MDGA2: variants seen among roughly 807,000 people sequenced by gnomAD.
The protein encoded by MDGA2 is MAM domain-containing glycosylphosphatidylinositol anchor protein 2.
In MDGA2, 40 loss-of-function variants were observed where a neutral mutation model predicts 117.8. The observed-to-expected ratio is 0.34, with a 90% CI of 0.26 to 0.44. The LOEUF (loss-of-function observed/expected upper bound fraction) is 0.44. MDGA2 is among the 20% of genes least tolerant of loss of function. The probability of loss-of-function intolerance (pLI) is 1.00; values close to 1 mark genes in which losing one functional copy is unlikely to be tolerated. For synonymous variants in MDGA2, 452 were observed against 439.0 expected, an observed-to-expected ratio of 1.03 and a Z score of -0.37; for missense variants, 1,123 against 1,250.6, an observed-to-expected ratio of 0.90 and a Z score of 1.54.
chr14:47,320,789 TCTC>T (rs1264233810), intron 1 of MDGA2, among the ~76,000 whole-genome samples: 1 of 152,114 alleles, frequency 6.6e-6, no homozygotes, highest in Non-Finnish European at 1.5e-5. Context: ...ATATCAATAA[TCTC>T]CTCTATTTTT....
At chr14:46,968,492 A>G (rs1324270988) in intron 8 of MDGA2, among the ~76,000 whole-genome samples, 2 of 152,158 alleles carry the variant, frequency 1.3e-5, no homozygotes, top group African/African-American at 4.8e-5. Context: ...CTCTTTGCTG[A>G]TGACATGATC....
chr14:47,083,061 T>C (rs1217242492), intron 6 of MDGA2, among the ~76,000 whole-genome samples: 3 of 151,764 alleles, frequency 2.0e-5, no homozygotes, highest in Admixed American at 2.0e-4. Context: ...GAGGAAAAAT[T>C]AGGACAGAGC....
chr14:47,015,156 A>G (rs892389174), intron 8 of MDGA2, among the ~76,000 whole-genome samples: 1 of 152,154 alleles, frequency 6.6e-6, no homozygotes, highest in Non-Finnish European at 1.5e-5. Context: ...TAAGTTTGCT[A>G]TCTTTTATGG....
Position 47,470,721 on chromosome 14 carries a change from C to G in MDGA2, c.281-169171G>C, listed in dbSNP as rs192432547. Among the ~76,000 whole-genome samples the G allele has an allele frequency of 2.1e-3, 325 of 152,190 alleles. 1 individual carries two copies. The highest frequency in any genetic ancestry group is 8.6e-3 in the Admixed American group (131 of 15,272). ...CTTCCACAATGGTTGAACTAATTTA[C>G]AATCCCTGTGGGATAGGTTTAATGG... is the stretch of plus-strand genomic sequence containing the variant. On this transcript the variant is annotated intron_variant, in intron 1 of 16. Coordinates refer to ENST00000399232, the MANE Select transcript of MDGA2 (RefSeq NM_001113498.3).
At chr14:47,606,082 T>C (rs1478512601) in intron 1 of MDGA2, among the ~76,000 whole-genome samples, 2 of 152,226 alleles carry the variant, frequency 1.3e-5, no homozygotes, top group Non-Finnish European at 2.9e-5. Context: ...TATCATTAGC[T>C]GAAATTACCT....
chr14:47,222,558 A>G (rs1886341291), intron 2 of MDGA2, among the ~76,000 whole-genome samples: 3 of 152,268 alleles, frequency 2.0e-5, no homozygotes, highest in Non-Finnish European at 2.9e-5. Context: ...TTTTAAGTTA[A>G]GAGGAAATAC....
intron 2 of MDGA2, among the ~76,000 whole-genome samples, chr14:47,276,704 C>A (rs973849825): frequency 7.2e-5 from 11 of 152,130 alleles, no homozygotes; most frequent in African/African-American, 2.7e-4. Context: ...GATGACTATT[C>A]TGTGCCCCAG....
At chr14:47,561,722 T>C (rs1161202521) in intron 1 of MDGA2, among the ~76,000 whole-genome samples, 1 of 152,188 alleles carries the variant, frequency 6.6e-6, no homozygotes, top group Non-Finnish European at 1.5e-5. Context: ...TTTTGTTTCT[T>C]TACCTTGCTT....
intron 10 of MDGA2, among the ~76,000 whole-genome samples, chr14:46,907,967 T>C (rs1443747663): frequency 6.6e-6 from 1 of 152,192 alleles, no homozygotes; most frequent in Non-Finnish European, 1.5e-5. Flanking sequence ...ATTAGCATAT[T>C]ATGTACCAAT....
intron 1 of MDGA2, among the ~76,000 whole-genome samples, chr14:47,321,288 G>C (rs148199263): frequency 4.2e-4 from 64 of 152,254 alleles, no homozygotes; most frequent in African/African-American, 1.4e-3. Flanking sequence ...AAAAGAGCTT[G>C]GTTGGTATTT....
At chr14:47,289,507 A>G (rs1347667433) in intron 2 of MDGA2, among the ~76,000 whole-genome samples, 1 of 152,026 alleles carries the variant, frequency 6.6e-6, no homozygotes, top group African/African-American at 2.4e-5. Flanking sequence ...TGATCTTCCT[A>G]CTTAAATAAT....
intron 1 of MDGA2, among the ~76,000 whole-genome samples, chr14:47,469,870 T>C (rs1893684917): frequency 6.6e-6 from 1 of 152,118 alleles, no homozygotes; most frequent in South Asian, 2.1e-4. Flanking sequence ...CACTTTCATG[T>C]TATATTAGAA....
intron 2 of MDGA2, among the ~76,000 whole-genome samples, chr14:47,235,821 T>G (rs1201949934): frequency 6.6e-6 from 1 of 152,156 alleles, no homozygotes; most frequent in African/African-American, 2.4e-5. Context: ...CCCATATATC[T>G]AGACTCATGC....
At chr14:46,921,464 C>G (rs946002452) in intron 9 of MDGA2, among the ~76,000 whole-genome samples, 1 of 150,274 alleles carries the variant, frequency 6.7e-6, no homozygotes, top group Non-Finnish European at 1.5e-5. Flanking sequence ...AAAAAAAGAG[C>G]CAGGTGTGGT....
intron 1 of MDGA2, among the ~76,000 whole-genome samples, chr14:47,463,478 T>C (rs1566469847): frequency 6.6e-6 from 1 of 152,310 alleles, no homozygotes; most frequent in East Asian, 1.9e-4. Context: ...AACATATAAA[T>C]ATTGTGTATC....
intron 8 of MDGA2, among the ~76,000 whole-genome samples, chr14:47,000,363 ATG>A (rs1189455911): frequency 3.4e-5 from 4 of 118,856 alleles, no homozygotes; most frequent in East Asian, 2.3e-4. Flanking sequence ...ACACATATAT[ATG>A]TATATATATA....
chr14:46,966,962 A>G (rs957931839), intron 8 of MDGA2, among the ~76,000 whole-genome samples: 5 of 151,182 alleles, frequency 3.3e-5, no homozygotes, highest in Non-Finnish European at 5.9e-5. Context: ...TTTTGACAGC[A>G]TGAATAAAAT....
intron 3 of MDGA2, among the ~76,000 whole-genome samples, chr14:47,176,527 C>T (rs1167112178): frequency 2.0e-5 from 3 of 152,198 alleles, no homozygotes; most frequent in Non-Finnish European, 2.9e-5. Context: ...CTTTGACAAA[C>T]CTGAGAAAAA....
intron 8 of MDGA2, among the ~76,000 whole-genome samples, chr14:46,989,475 C>T (rs1351301394): frequency 6.6e-6 from 1 of 151,972 alleles, no homozygotes; most frequent in Non-Finnish European, 1.5e-5. Context: ...GTGACTAATC[C>T]ATCTTTTTCT....
Sources: allele counts gnomAD v4.1 joint callset (sites outside exome capture counted in the v4.1 genomes callset), GRCh38; gene constraint gnomAD v4.1.1; transcripts MANE v1.5; gene names NCBI Gene and HGNC (gene_info 2026-07-23, HGNC 2026-07-21).